UBXN7: variants seen among roughly 807,000 people sequenced by gnomAD.
UBXN7 encodes the protein UBX domain-containing protein 7.
A neutral mutation model predicts 58.0 loss-of-function variants in UBXN7; 9 were observed. The ratio of observed to expected loss-of-function variants is 0.16; its 90% CI spans 0.09 to 0.27. UBXN7 has a LOEUF of 0.27. Among genes scored for constraint, UBXN7 ranks in the 10% least tolerant of loss-of-function variants. The pLI, the probability that UBXN7 is intolerant of heterozygous loss-of-function variation, is 1.00. For synonymous variants in UBXN7, 208 were observed against 205.0 expected, an observed-to-expected ratio of 1.01 and a Z score of -0.12; for missense variants, 328 against 599.6, an observed-to-expected ratio of 0.55 and a Z score of 4.73.
chr3:196,386,416 A>C (rs538243679), intron 5 of UBXN7, among the ~76,000 whole-genome samples: 1 of 151,474 alleles, frequency 6.6e-6, no homozygotes, highest in South Asian at 2.1e-4. Context: ...GGAAATGAGG[A>C]AGTCAAATTG....
intron 1 of UBXN7, among the ~76,000 whole-genome samples, chr3:196,407,919 G>A (rs1730211281): frequency 6.6e-6 from 1 of 151,860 alleles, no homozygotes; most frequent in East Asian, 1.9e-4. Flanking sequence ...CCAACGTGGT[G>A]AAATGCCGTC....
At chr3:196,429,651 A>G (rs974720817) in intron 1 of UBXN7, among the ~76,000 whole-genome samples, 5 of 152,202 alleles carry the variant, frequency 3.3e-5, no homozygotes, top group African/African-American at 1.2e-4. Context: ...TATAAACACT[A>G]CGATTAAAAC....
rs1022486413 is a variant in UBXN7, at chr3:196,372,053, A to C, written c.469-11T>G. The C allele has an allele frequency of 2.5e-6, 4 of 1,582,294 alleles. No individual in the cohort carries two copies. The highest frequency in any genetic ancestry group is 3.4e-6 in the Non-Finnish European group (4 of 1,164,446). The stretch of plus-strand genomic sequence containing the variant: ...GCCACACTCTTTGGCCTGCAAGAGT[A>C]AAGTTACACATTTGTTAGAAATAAT... On this transcript the variant is annotated splice_polypyrimidine_tract_variant and intron_variant, in intron 5 of 10. Transcript: ENST00000296328.
chr3:196,385,000 G>T (rs967873890), intron 5 of UBXN7, among the ~76,000 whole-genome samples: 4 of 152,114 alleles, frequency 2.6e-5, no homozygotes, highest in Non-Finnish European at 4.4e-5. Context: ...AGGAAATGAG[G>T]AAGTCGCTCT....
chr3:196,370,030 T>C (rs1728774968), intron 6 of UBXN7, among the ~76,000 whole-genome samples: 1 of 147,696 alleles, frequency 6.8e-6, no homozygotes. Flanking sequence ...CTCGGGAGAC[T>C]GAAGCAGGGG....
At chr3:196,388,626 G>C (rs34801745) in intron 5 of UBXN7, among the ~76,000 whole-genome samples, 56,243 of 151,952 alleles carry the variant, frequency 0.37, 11,127 homozygotes, top group East Asian at 0.83. Context: ...GAGCCAGAAA[G>C]AATCCTTGAA....
At chr3:196,430,224 AG>A (rs1403323593) in intron 1 of UBXN7, among the ~76,000 whole-genome samples, 1 of 151,880 alleles carries the variant, frequency 6.6e-6, no homozygotes, top group East Asian at 1.9e-4. Flanking sequence ...GCCTGGTGAC[AG>A]GCGCTTGTAG....
intron 3 of UBXN7, among the ~76,000 whole-genome samples, chr3:196,395,463 G>A (rs1019471702): frequency 6.6e-6 from 1 of 150,704 alleles, no homozygotes. Flanking sequence ...ATTTTTTTTT[G>A]AGACAGTGTC....
At chr3:196,427,463 G>A (rs905992944) in intron 1 of UBXN7, among the ~76,000 whole-genome samples, 6 of 151,988 alleles carry the variant, frequency 3.9e-5, no homozygotes, top group South Asian at 2.1e-4. Flanking sequence ...GACTACAGGC[G>A]TGCACCACCA....
At chr3:196,405,561 AGTGT>A (rs150829704) in intron 2 of UBXN7, among the ~76,000 whole-genome samples, 25 of 150,688 alleles carry the variant, frequency 1.7e-4, no homozygotes, top group East Asian at 5.8e-4. Context: ...CTCGCTTTAC[AGTGT>A]GTGTGTGTGT....
chr3:196,425,394 AAAG>A (rs1303744622), intron 1 of UBXN7, among the ~76,000 whole-genome samples: 4 of 152,068 alleles, frequency 2.6e-5, no homozygotes, highest in Non-Finnish European at 5.9e-5. Flanking sequence ...AAAAAAAAAA[AAAG>A]GTCAAATCAG....
chr3:196,396,631 C>T (rs1729783422), intron 3 of UBXN7, among the ~76,000 whole-genome samples: 1 of 151,814 alleles, frequency 6.6e-6, no homozygotes, highest in African/African-American at 2.4e-5. Flanking sequence ...GGCGTGGTGG[C>T]GGGTACCTGT....
chr3:196,408,930 A>G (rs941681296), intron 1 of UBXN7, among the ~76,000 whole-genome samples: 8 of 152,160 alleles, frequency 5.3e-5, no homozygotes, highest in Non-Finnish European at 1.0e-4. Context: ...CCACTTGAAG[A>G]TTATCTTTTA....
intron 1 of UBXN7, among the ~76,000 whole-genome samples, chr3:196,431,204 G>C (rs578228490): frequency 6.6e-6 from 1 of 152,238 alleles, no homozygotes; most frequent in South Asian, 2.1e-4. Context: ...CAAATTACGA[G>C]ATAAAGTATA....
In UBXN7 at chr3:196,406,803, A is replaced by G. The variant is rs559265746; in HGVS notation, c.221+443T>C. Among the ~76,000 whole-genome samples the G allele has an allele frequency of 2.0e-5, 3 of 152,354 alleles. No homozygotes were observed. The East Asian group carries it at 5.8e-4, about 29-fold the overall frequency. ...TTTCTGTGACAATGTAGAAAAACCTAAAATTGGGAAATCTGAACTTTACTG... is the reference window on the plus strand; with the variant it reads ...TTTCTGTGACAATGTAGAAAAACCTGAAATTGGGAAATCTGAACTTTACTG... On this transcript the variant is annotated intron_variant, in intron 2 of 10. Coordinates refer to ENST00000296328, the MANE Select transcript of UBXN7 (RefSeq NM_015562.2).
intron 1 of UBXN7, chr3:196,431,819 C>A: frequency 2.5e-6 from 1 of 406,814 alleles, no homozygotes; most frequent in Non-Finnish European, 5.0e-6. Context: ...CCCGAACCCG[C>A]CAGGGCCACG....
At chr3:196,388,471 TTG>T (rs1316446257) in intron 5 of UBXN7, among the ~76,000 whole-genome samples, 10 of 131,348 alleles carry the variant, frequency 7.6e-5, no homozygotes, top group South Asian at 2.4e-4. Context: ...AAGCTACTGT[TTG>T]TTTTTTTTTT....
Position 196,400,831 on chromosome 3 carries a change from T to C in UBXN7, c.289+2121A>G, listed in dbSNP as rs527772274. ...AATACAGCACAGAATTTACTTCCTA[T>C]AGTCCTACAAAGACGCTGTATTATT... On this transcript the variant is annotated intron_variant, in intron 3 of 10. Coordinates refer to ENST00000296328, the MANE Select transcript of UBXN7 (RefSeq NM_015562.2). The C allele has an allele frequency of 1.9e-4, 47 of 246,010 alleles. 1 individual carries two copies. The highest frequency in any genetic ancestry group is 1.6e-3 in the South Asian group (44 of 26,966). 15.2% of individuals were successfully genotyped at this position (246,010 alleles called of 1,614,324 possible).
chr3:196,423,489 T>C, intron 1 of UBXN7: 2 of 234,156 alleles, frequency 8.5e-6, no homozygotes, highest in South Asian at 4.2e-5. Context: ...GGGTACTTGT[T>C]CCCCTCCTGC....
Sources: gnomAD v4.1 joint callset for allele counts (sites outside exome capture counted in the v4.1 genomes callset) on GRCh38, gnomAD v4.1.1 for gene constraint, MANE v1.5 for transcripts, NCBI Gene and HGNC (gene_info 2026-07-23, HGNC 2026-07-21) for gene names.